The following CCDC183 variants were observed in gnomAD, a reference collection of about 807,000 sequenced individuals.
CCDC183 encodes the protein coiled-coil domain containing 183.
CCDC183 carries 63 observed loss-of-function variants against 65.2 expected under a neutral mutation model. That is an observed-to-expected ratio of 0.97 (90% CI 0.79 to 1.19). CCDC183 has a LOEUF of 1.19. CCDC183 is among the 50% of genes most tolerant of loss of function. CCDC183 has a pLI of 0.00. For missense variants in CCDC183, 769 were observed against 689.3 expected, an observed-to-expected ratio of 1.12 and a Z score of -1.30; for synonymous variants, 323 against 276.5, an observed-to-expected ratio of 1.17 and a Z score of -1.67.
At chr9:136,800,998 C>T (rs1400102467) in intron 5 of CCDC183, among the ~76,000 whole-genome samples, 1 of 152,220 alleles carries the variant, frequency 6.6e-6, no homozygotes, top group Non-Finnish European at 1.5e-5. Context: ...GAACCTACTC[C>T]AGATGGGCTG....
chr9:136,804,969 G>A lies in CCDC183; in HGVS notation c.847+153G>A, dbSNP rs948790825. 2 of 672,530 alleles carry A rather than the reference G, an allele frequency of 3.0e-6. No homozygotes were observed. The highest frequency in any genetic ancestry group is 3.6e-5 in the African/African-American group (2 of 55,192). 41.7% of individuals were successfully genotyped at this position (672,530 alleles called of 1,614,324 possible). A position where few individuals can be genotyped will look rare whatever the true frequency, so the allele number is the denominator to read the frequency against. On this transcript the variant is annotated intron_variant, in intron 8 of 13. Transcript: ENST00000338005. The surrounding 1 kb of genome is among the most constrained non-coding windows in gnomAD (Gnocchi z 4.1). ...CAGGTCCCTGCCTCTCCCTCCAGAG[G>A]CTGAGAGCCTGTAGCCAAATGTGGC...
Position 136,799,192 on chromosome 9 carries a change from G to A in CCDC183, c.161G>A (p.Arg54His). Residue 54 changes from arginine (R) to histidine (H), a missense_variant, in exon 2 of 14, where the codon CGC (arginine) becomes CAC (histidine). Physicochemically the swap from Arg to His is conservative, Grantham distance 29. Coordinates refer to ENST00000338005, the MANE Select transcript of CCDC183 (RefSeq NM_001039374.5). ...GCCCTCCTGCGCAGCAACATCCGCC[G>A]CGGGGCCCAGGACTGGGCTTTGGCC... ...TLALLRSNIR[R>H]GAQDWALAKK... The A allele has an allele frequency of 1.2e-6, 2 of 1,610,288 alleles. No individual in the cohort carries two copies. Among genetic ancestry groups the A allele is most frequent in the Non-Finnish European group, 1.7e-6 (2 of 1,178,624 alleles).
chr9:136,803,135 AGGGCCC>A (rs1847768469), intron 6 of CCDC183, among the ~76,000 whole-genome samples: 1 of 63,056 alleles, frequency 1.6e-5, no homozygotes, highest in African/African-American at 1.0e-4. Flanking sequence ...AGGTGAGCTC[AGGGCCC>A]AGGGCTGGGG....
At chr9:136,802,208 C>A (rs553724813) in intron 5 of CCDC183, among the ~76,000 whole-genome samples, 1 of 148,670 alleles carries the variant, frequency 6.7e-6, no homozygotes, top group East Asian at 1.9e-4. Context: ...ACCTTCTGAA[C>A]GAGCCATCAT....
rs955717165 is a variant in CCDC183, at chr9:136,803,286, G to A, written c.666+500G>A. ...GGTGAGCTCAGGGCCCAGGGCTGGGGCCCCCCAGGGCGGGCTCTCTTGTGT... is the reference window on the plus strand; with the variant it reads ...GGTGAGCTCAGGGCCCAGGGCTGGGACCCCCCAGGGCGGGCTCTCTTGTGT... On this transcript the variant is annotated intron_variant, in intron 6 of 13. Transcript: ENST00000338005. 4.8e-5 allele frequency among the ~76,000 whole-genome samples: 7 copies of A among 145,976 alleles called. 1 individual carries two copies. The highest frequency in any genetic ancestry group is 3.5e-3 in the Middle Eastern group (1 of 288).
intron 4 of CCDC183, 82 bp downstream of exon 4, chr9:136,800,251 A>G: frequency 7.6e-7 from 1 of 1,322,688 alleles, no homozygotes; most frequent in Non-Finnish European, 1.0e-6. Flanking sequence ...GGGGGGCGGG[A>G]CTTGCGGGTC....
chr9:136,805,994 G>A (rs1250740066), intron 9 of CCDC183, 84 bp from the exon 10 acceptor site: 13 of 1,120,980 alleles, frequency 1.2e-5, no homozygotes, highest in East Asian at 2.6e-5. Context: ...GTCTAGGAGG[G>A]GCCCAGAAGA....
chr9:136,800,175 G>C lies in CCDC183; in HGVS notation c.438+6G>C, dbSNP rs1353570143. 4 of 1,528,510 alleles carry C rather than the reference G, an allele frequency of 2.6e-6. No homozygotes were observed. The highest frequency in any genetic ancestry group is 4.0e-5 in the Admixed American group (2 of 50,624). The allele number at this position is 1,528,510 out of a possible 1,614,324, so 94.7% of individuals were successfully genotyped here. ...AGGAGCTGCGGCTGCTGCAGGTGGA[G>C]AGGCGGGGCTGGGAGGGCGGGGCGG... On this transcript the variant is annotated splice_donor_region_variant and intron_variant, in intron 4 of 13. Coordinates refer to ENST00000338005, the MANE Select transcript of CCDC183 (RefSeq NM_001039374.5).
At chr9:136,801,952 T>G (rs1847742452) in intron 5 of CCDC183, among the ~76,000 whole-genome samples, 1 of 151,976 alleles carries the variant, frequency 6.6e-6, no homozygotes, top group African/African-American at 2.4e-5. Context: ...CACGCCCGGC[T>G]GATTTTTTTT....
intron 13 of CCDC183, 199 bp downstream of exon 13, chr9:136,807,265 T>C (rs1847876533): frequency 1.6e-6 from 1 of 644,140 alleles, no homozygotes; most frequent in Non-Finnish European, 2.7e-6. Context: ...AAATACCTTG[T>C]TAATTTCTCC....
In CCDC183 at chr9:136,802,748, A is replaced by G. The variant is rs747827736; in HGVS notation, c.628A>G (p.Met210Val). 29 of 1,613,290 alleles carry G rather than the reference A, an allele frequency of 1.8e-5. No individual in the cohort carries two copies. Among genetic ancestry groups the G allele is most frequent in the Non-Finnish European group, 2.3e-5 (27 of 1,179,774 alleles). Residue 210 changes from methionine to valine, a missense_variant, in exon 6 of 14, where the codon ATG becomes GTG. By Grantham distance (21) the Met-to-Val change is conservative. Transcript: ENST00000338005. ...CTCAGAGCTGTCGGATATGAAGATC[A>G]TGTCCCAAGATGCCATGATGATCAC... ...YCSELSDMKI[M>V]SQDAMMITDE...
In CCDC183 at chr9:136,800,085, G is replaced by T. The variant is rs1400296221; in HGVS notation, c.354G>T (p.Gly118=). 1.9e-6 allele frequency: 3 copies of T among 1,568,506 alleles called. No homozygotes were observed. The highest frequency in any genetic ancestry group is 2.7e-5 in the African/African-American group (2 of 74,166). ...TGATCCACCTGGTGCGGCGGCGCGGGCAGAAGCTGGAGAGCATGCAGCTGG... is the reference window on the plus strand; with the variant it reads ...TGATCCACCTGGTGCGGCGGCGCGGTCAGAAGCTGGAGAGCATGCAGCTGG... ...NLLIHLVRRR[G]QKLESMQLEL... is the part of the protein sequence containing the mutation. Residue 118 remains glycine, a synonymous_variant, in exon 4 of 14, where the codon GGG becomes GGT. Transcript: ENST00000338005.
intron 13 of CCDC183, chr9:136,807,360 C>A: frequency 1.4e-6 from 1 of 707,378 alleles, no homozygotes; most frequent in Non-Finnish European, 2.3e-6. Context: ...AAGGCCTGGG[C>A]CGGAGCTTCC....
At position 136,804,917 on chromosome 9, in the gene CCDC183, A is replaced by G. The variant is rs1847815759; in HGVS notation, c.847+101A>G. 3.9e-6 allele frequency: 4 copies of G among 1,020,686 alleles called. No individual in the cohort carries two copies. In the South Asian group the frequency reaches 4.1e-5, roughly 11 times the overall value. The allele number at this position is 1,020,686 out of a possible 1,614,324, so 63.2% of individuals were successfully genotyped here. ...AAGTCACCCTGAGGCCAGGTGTGAC[A>G]TGTGGTCGCCAGGGTGAAGGGAAGG... On this transcript the variant is annotated intron_variant, in intron 8 of 13. Coordinates refer to ENST00000338005, the MANE Select transcript of CCDC183 (RefSeq NM_001039374.5). This position sits in a 1 kb window ranked among gnomAD's most constrained non-coding sequence, Gnocchi z 4.1.
At position 136,799,790 on chromosome 9, in the gene CCDC183, G is replaced by C. The variant is rs1337532758; in HGVS notation, c.270G>C (p.Glu90Asp). ...TGGCGCACTGCCGCAGCACCATGGA[G>C]GTAACCAGGCAGGAGGGGCCTCGAG... ...LRLAHCRSTM[E>D]VVREKLRKYV... The change falls in exon 3 of 14, where the codon GAG becomes GAC. Residue 90 changes from glutamate to aspartate, a missense_variant and splice_region_variant. Coordinates refer to ENST00000338005, the MANE Select transcript of CCDC183 (RefSeq NM_001039374.5). 3 of 1,612,500 alleles carry C rather than the reference G, an allele frequency of 1.9e-6. No individual in the cohort carries two copies. The highest frequency in any genetic ancestry group is 2.2e-5 in the East Asian group (1 of 44,862).
chr9:136,806,378 C>T, intron 10 of CCDC183, 126 bp from the exon 11 acceptor site: 1 of 1,411,620 alleles, frequency 7.1e-7, no homozygotes, highest in South Asian at 1.3e-5. Context: ...ACTCCACTTG[C>T]ACACACCTGA....
At position 136,806,803 on chromosome 9, in the gene CCDC183, C is replaced by G. The variant is rs759534715; in HGVS notation, c.1325C>G (p.Ala442Gly). The G allele has an allele frequency of 1.9e-6, 3 of 1,613,626 alleles. No homozygotes were observed. The highest frequency in any genetic ancestry group is 3.3e-5 in the Admixed American group (2 of 60,020). Residue 442 changes from alanine (A) to glycine (G), a missense_variant, in exon 12 of 14, where the codon GCG (alanine) becomes GGG (glycine). Physicochemically the swap from Ala to Gly is moderately conservative, Grantham distance 60. Transcript: ENST00000338005. ...SNTLDLNSKL[A>G]YCEGKLTYLA... is the part of the protein sequence containing the mutation. Reference sequence around the variant, plus strand: ...ACCCTCGATTTGAACAGCAAGCTGGCGTACTGCGAGGGGAAGCTCACGTAC... The same window carrying G: ...ACCCTCGATTTGAACAGCAAGCTGGGGTACTGCGAGGGGAAGCTCACGTAC...
intron 2 of CCDC183, 192 bp from the exon 3 acceptor site, chr9:136,799,520 AC>A (rs1026518914): frequency 6.0e-6 from 4 of 665,990 alleles, no homozygotes; most frequent in Admixed American, 2.9e-5. Flanking sequence ...TCCTCTGCAT[AC>A]CCCCCTACCA....
intron 2 of CCDC183, chr9:136,799,478 G>A: frequency 1.4e-6 from 1 of 711,982 alleles, no homozygotes; most frequent in Non-Finnish European, 2.3e-6. Context: ...GCCCCCTCTG[G>A]CTCTCCGGCC....
Sources: gnomAD v4.1 joint callset for allele counts (sites outside exome capture counted in the v4.1 genomes callset) on GRCh38, gnomAD v4.1.1 for gene constraint, Gnocchi (gnomAD v3.1) non-coding constraint, MANE v1.5 for transcripts, NCBI Gene and HGNC (gene_info 2026-07-23, HGNC 2026-07-21) for gene names.